Variants in CPNE4 observed in about 807,000 individuals in gnomAD.
CPNE4 encodes the protein copine 4, also known as copine-4.
In CPNE4, 25 loss-of-function variants were observed where a neutral mutation model predicts 67.9. The ratio of observed to expected loss-of-function variants is 0.37; its 90% CI spans 0.27 to 0.51. The LOEUF is 0.51. Among genes scored for constraint, CPNE4 ranks in the 20% least tolerant of loss-of-function variants. CPNE4 has a pLI of 0.93. For missense variants in CPNE4, 464 were observed against 690.8 expected (o/e 0.67, Z 3.68); for synonymous variants, 242 against 244.9 (o/e 0.99, Z 0.11).
chr3:131,848,068 C>T (rs573555424), intron 2 of CPNE4, among the ~76,000 whole-genome samples: 1 of 152,210 alleles, frequency 6.6e-6, no homozygotes, highest in Non-Finnish European at 1.5e-5. Flanking sequence ...TGGGCCTTCT[C>T]TATACCAGAG....
intron 2 of CPNE4, among the ~76,000 whole-genome samples, chr3:131,847,369 A>G (rs544304749): frequency 6.6e-6 from 1 of 152,290 alleles, no homozygotes; most frequent in African/African-American, 2.4e-5. Context: ...AGTCTTAGCT[A>G]GTGTAACTAG....
At chr3:131,789,031 CACACAGAG>C (rs979410991) in intron 2 of CPNE4, among the ~76,000 whole-genome samples, 6 of 147,576 alleles carry the variant, frequency 4.1e-5, no homozygotes, top group African/African-American at 7.6e-5. Flanking sequence ...CACACACACA[CACACAGAG>C]AGAGAGAGAG....
chr3:131,559,931 T>C (rs1936671758), intron 11 of CPNE4, among the ~76,000 whole-genome samples: 1 of 152,078 alleles, frequency 6.6e-6, no homozygotes, highest in African/African-American at 2.4e-5. Context: ...TATCACTATA[T>C]AAACTCATGA....
chr3:131,861,786 A>G (rs1457426658), intron 2 of CPNE4, among the ~76,000 whole-genome samples: 1 of 152,194 alleles, frequency 6.6e-6, no homozygotes, highest in East Asian at 1.9e-4. Context: ...AAATTGTTAG[A>G]CTTGAGAACA....
chr3:131,734,294 T>C (rs760943636), intron 2 of CPNE4, among the ~76,000 whole-genome samples: 5 of 152,078 alleles, frequency 3.3e-5, no homozygotes, highest in African/African-American at 4.8e-5. Flanking sequence ...AAAGGTAGGA[T>C]TGTAGATGTA....
intron 2 of CPNE4, among the ~76,000 whole-genome samples, chr3:131,732,288 T>G (rs1454763147): frequency 6.6e-6 from 1 of 152,214 alleles, no homozygotes; most frequent in Non-Finnish European, 1.5e-5. Context: ...TTTATTTGGA[T>G]GTTTTATCCA....
Position 131,533,638 on chromosome 3 carries a change from T to C in CPNE4, c.*1557A>G, listed in dbSNP as rs925815055. The C allele has an allele frequency of 1.3e-5, 2 of 152,204 alleles. No individual in the cohort carries two copies. Among genetic ancestry groups the C allele is most frequent in the Admixed American group, 6.5e-5 (1 of 15,280 alleles). The allele number at this position is 152,204 out of a possible 1,614,324, so 9.4% of individuals were successfully genotyped here. ...ATTTATGATTTTTTCAGTCATACAA[T>C]TTTACCATCATTCCCAAAATGTTGT... On this transcript the variant is annotated 3_prime_UTR_variant, in exon 16 of 16. Coordinates refer to ENST00000429747, the MANE Select transcript of CPNE4 (RefSeq NM_130808.3).
intron 1 of CPNE4, among the ~76,000 whole-genome samples, chr3:132,005,332 TATATATATATACACACACACAC>T (rs2073564959): frequency 4.2e-5 from 1 of 24,080 alleles, no homozygotes; most frequent in African/African-American, 1.6e-4. Flanking sequence ...TATATATATA[TATATATATATACACACACACAC>T]ACACACACAC....
intron 7 of CPNE4, among the ~76,000 whole-genome samples, chr3:131,616,958 G>A (rs764694015): frequency 6.6e-6 from 1 of 152,164 alleles, no homozygotes; most frequent in East Asian, 1.9e-4. Flanking sequence ...GAGGGCTAGG[G>A]ACATGCTGCT....
chr3:131,641,731 C>G (rs759472254), intron 7 of CPNE4, among the ~76,000 whole-genome samples: 1 of 152,102 alleles, frequency 6.6e-6, no homozygotes, highest in Non-Finnish European at 1.5e-5. Flanking sequence ...CAGCACAATT[C>G]GCAATTGCAA....
At chr3:132,036,714 T>C (rs2074345307), upstream of CPNE4, among the ~76,000 whole-genome samples, 1 of 152,210 alleles carries the variant, frequency 6.6e-6, no homozygotes, top group African/African-American at 2.4e-5. Context: ...GGGATATGTC[T>C]GTTTTGTCGT....
At chr3:131,569,904 A>G in intron 10 of CPNE4, among the ~76,000 whole-genome samples, 1 of 151,972 alleles carries the variant, frequency 6.6e-6, no homozygotes, top group African/African-American at 2.4e-5. Context: ...AAAATTAATA[A>G]GAAAAAAATA....
At chr3:131,784,618 T>TTC (rs981727770) in intron 2 of CPNE4, among the ~76,000 whole-genome samples, 2 of 152,164 alleles carry the variant, frequency 1.3e-5, no homozygotes, top group African/African-American at 4.8e-5. Flanking sequence ...CTGAGGTGCA[T>TTC]TCTACATAGC....
At chr3:131,865,429 A>G (rs942388386) in intron 2 of CPNE4, among the ~76,000 whole-genome samples, 4 of 152,004 alleles carry the variant, frequency 2.6e-5, no homozygotes, top group African/African-American at 9.7e-5. Context: ...TGTGGTAAAC[A>G]CCATCATATT....
intron 6 of CPNE4, among the ~76,000 whole-genome samples, chr3:131,678,028 C>T (rs1027104628): frequency 6.6e-6 from 1 of 151,938 alleles, no homozygotes; most frequent in Admixed American, 6.6e-5. Context: ...TGGGAATATG[C>T]CCATTTTAAT....
chr3:131,592,324 T>A (rs1342130790), intron 7 of CPNE4, among the ~76,000 whole-genome samples: 1 of 152,184 alleles, frequency 6.6e-6, no homozygotes, highest in Non-Finnish European at 1.5e-5. Flanking sequence ...ATGAAGGAAC[T>A]TTCCTGAAAC....
chr3:131,882,215 A>G (rs1427311307), intron 2 of CPNE4, among the ~76,000 whole-genome samples: 2 of 152,068 alleles, frequency 1.3e-5, no homozygotes, highest in Non-Finnish European at 2.9e-5. Flanking sequence ...TTAATAAGTT[A>G]TGGTTTAATT....
At chr3:131,801,414 A>ATGTGTGTATG (rs1560344419) in intron 2 of CPNE4, among the ~76,000 whole-genome samples, 1 of 20,006 alleles carries the variant, frequency 5.0e-5, no homozygotes, top group Non-Finnish European at 1.1e-4. Flanking sequence ...GTACATATAT[A>ATGTGTGTATG]CGTGTGTGTG....
In CPNE4 at chr3:131,540,219, T is replaced by C. The variant is rs559331702; in HGVS notation, c.1539+2338A>G. Among the ~76,000 whole-genome samples, 19 of 152,300 alleles carry C rather than the reference T, an allele frequency of 1.2e-4. No homozygotes were observed. In the East Asian group the frequency reaches 3.3e-3, roughly 26 times the overall value. On this transcript the variant is annotated intron_variant, in intron 15 of 15. Transcript: ENST00000429747. Reference sequence around the variant, plus strand: ...ATCAACTCTGTAGCCAGGGATTGGTTTTCTGCTCCTTCAGTGATTTTAATT... The same window carrying C: ...ATCAACTCTGTAGCCAGGGATTGGTCTTCTGCTCCTTCAGTGATTTTAATT...
Sources: allele counts gnomAD v4.1 joint callset (sites outside exome capture counted in the v4.1 genomes callset), GRCh38; gene constraint gnomAD v4.1.1; transcripts MANE v1.5; gene names NCBI Gene and HGNC (gene_info 2026-07-23, HGNC 2026-07-21).